Variants in TMEM141 observed in about 807,000 individuals in gnomAD.
TMEM141 encodes transmembrane protein 141.
In TMEM141, 18 loss-of-function variants were observed where a neutral mutation model predicts 15.9. The ratio of observed to expected loss-of-function variants is 1.13; its 90% CI spans 0.78 to 1.68. The LOEUF (loss-of-function observed/expected upper bound fraction) is 1.68. Among genes scored for constraint, TMEM141 ranks in the 40% most tolerant of loss-of-function variants. TMEM141 has a pLI of 0.00. For missense variants in TMEM141, 161 were observed against 139.5 expected (o/e 1.15, Z -0.78); for synonymous variants, 69 against 54.0 (o/e 1.28, Z -1.22).
Position 136,791,388 on chromosome 9 carries a change from G to C in TMEM141, c.18G>C (p.Leu6=), listed in dbSNP as rs879777751. 1 of 1,561,188 alleles carries C rather than the reference G, an allele frequency of 6.4e-7. No individual in the cohort carries two copies. The highest frequency in any genetic ancestry group is 8.7e-7 in the Non-Finnish European group (1 of 1,153,114). The change falls in exon 1 of 5, where the codon CTG becomes CTC. Residue 6 remains leucine, a synonymous_variant. Transcript: ENST00000290079. MVNLG[L]SRVDDAVAAK... ...TGCCAACCATGGTGAACTTGGGTCT[G>C]TCCCGGGTGGACGACGCCGTGGCTG...
intron 1 of TMEM141, 125 bp from the exon 2 acceptor site, chr9:136,791,586 T>G: frequency 6.4e-7 from 1 of 1,565,610 alleles, no homozygotes; most frequent in East Asian, 2.3e-5. Flanking sequence ...ATAGGGGAGG[T>G]GGGACGTGTC....
chr9:136,792,476 C>G, intron 4 of TMEM141, 118 bp downstream of exon 4: 1 of 841,436 alleles, frequency 1.2e-6, no homozygotes, highest in East Asian at 2.7e-5. Flanking sequence ...CCCTCTGGCC[C>G]GGCCTCCTCA....
intron 4 of TMEM141, 114 bp downstream of exon 4, chr9:136,792,472 G>C (rs1263038159): frequency 1.1e-6 from 1 of 872,102 alleles, no homozygotes; most frequent in Non-Finnish European, 1.8e-6. Flanking sequence ...CCCTCCCTCT[G>C]GCCCGGCCTC....
At chr9:136,792,478 G>A (rs755594254) in intron 4 of TMEM141, 120 bp downstream of exon 4, 14 of 819,098 alleles carry the variant, frequency 1.7e-5, no homozygotes, top group Non-Finnish European at 2.5e-5. Flanking sequence ...CTCTGGCCCG[G>A]CCTCCTCAGC....
chr9:136,791,880 G>A, intron 2 of TMEM141, 67 bp from the exon 3 acceptor site: 2 of 1,611,730 alleles, frequency 1.2e-6, no homozygotes. Flanking sequence ...GCAGGTGCTG[G>A]GGGCCTGGCA....
intron 4 of TMEM141, 51 bp from the exon 5 acceptor site, chr9:136,792,768 G>A (rs1376705481): frequency 7.0e-7 from 1 of 1,425,160 alleles, no homozygotes. Context: ...GCACAGGGAT[G>A]CCCAGCCACG....
intron 4 of TMEM141, 133 bp from the exon 5 acceptor site, chr9:136,792,686 A>C: frequency 1.4e-6 from 1 of 713,512 alleles, no homozygotes. Context: ...GAAGCCCCGC[A>C]TTGGACCCAG....
chr9:136,791,397 G>A lies in TMEM141; in HGVS notation c.27G>A (p.Val9=), dbSNP rs1847588141. 6.4e-7 allele frequency: 1 copy of A among 1,560,210 alleles called. No individual in the cohort carries two copies. The highest frequency in any genetic ancestry group is 8.7e-7 in the Non-Finnish European group (1 of 1,152,494). MVNLGLSR[V]DDAVAAKHPG... Reference sequence around the variant, plus strand: ...TGGTGAACTTGGGTCTGTCCCGGGTGGACGACGCCGTGGCTGCCAAGCACC... The same window carrying A: ...TGGTGAACTTGGGTCTGTCCCGGGTAGACGACGCCGTGGCTGCCAAGCACC... Residue 9 remains valine, a synonymous_variant, in exon 1 of 5, where the codon GTG becomes GTA. Transcript: ENST00000290079.
chr9:136,792,377 T>C lies in TMEM141; in HGVS notation c.313+19T>C. 6.5e-7 allele frequency: 1 copy of C among 1,549,134 alleles called. No individual in the cohort carries two copies. Among genetic ancestry groups the C allele is most frequent in the South Asian group, 1.2e-5 (1 of 84,336 alleles). ...AGCACAGGTGAGAGAGCCTGGGGGT[T>C]AGCGAGAAGTGAATGCCACCTCTCC... On this transcript the variant is annotated intron_variant, in intron 4 of 4. Coordinates refer to ENST00000290079, the MANE Select transcript of TMEM141 (RefSeq NM_032928.4).
chr9:136,792,983 C>T lies in TMEM141; in HGVS notation c.*151C>T, dbSNP rs1588326120. The T allele has an allele frequency of 2.8e-6, 3 of 1,083,322 alleles. No individual in the cohort carries two copies. The highest frequency in any genetic ancestry group is 3.3e-5 in the African/African-American group (2 of 60,626). The allele number at this position is 1,083,322 out of a possible 1,614,324, so 67.1% of individuals were successfully genotyped here. A position where few individuals can be genotyped will look rare whatever the true frequency, so the allele number is the denominator to read the frequency against. On this transcript the variant is annotated 3_prime_UTR_variant, in exon 5 of 5. Coordinates refer to ENST00000290079, the MANE Select transcript of TMEM141 (RefSeq NM_032928.4). ...ATGTGTGGCCAGGCCTGACAAACAC[C>T]TGCAGATGGCTGCTGCCCCAACCTG... is the stretch of plus-strand genomic sequence containing the variant.
intron 4 of TMEM141, 133 bp downstream of exon 4, chr9:136,792,491 G>T: frequency 2.7e-6 from 2 of 737,882 alleles, no homozygotes; most frequent in Middle Eastern, 6.6e-4. Flanking sequence ...TCCTCAGCAT[G>T]TGACTGCCAG....
chr9:136,791,875 T>C (rs1847593858), intron 2 of TMEM141, 72 bp from the exon 3 acceptor site: 2 of 1,611,016 alleles, frequency 1.2e-6, no homozygotes, highest in Non-Finnish European at 1.7e-6. Flanking sequence ...TGCCCGCAGG[T>C]GCTGGGGGCC....
At chr9:136,791,657 G>A in intron 1 of TMEM141, 54 bp from the exon 2 acceptor site, 1 of 1,601,188 alleles carries the variant, frequency 6.2e-7, no homozygotes, top group South Asian at 1.1e-5. Flanking sequence ...GACAGGAGAG[G>A]CGGTGAAGGA....
chr9:136,792,775 C>T, intron 4 of TMEM141, 44 bp from the exon 5 acceptor site: 1 of 1,469,284 alleles, frequency 6.8e-7, no homozygotes, highest in Non-Finnish European at 9.2e-7. Context: ...GATGCCCAGC[C>T]ACGATGGATG....
Position 136,791,401 on chromosome 9 carries a change from G to T in TMEM141, c.31G>T (p.Asp11Tyr). 1 of 1,559,952 alleles carries T rather than the reference G, an allele frequency of 6.4e-7. No homozygotes were observed. Among genetic ancestry groups the T allele is most frequent in the Non-Finnish European group, 8.7e-7 (1 of 1,152,310 alleles). ...GAACTTGGGTCTGTCCCGGGTGGAC[G>T]ACGCCGTGGCTGCCAAGCACCCGGT... Reference protein sequence around the residue: MVNLGLSRVDDAVAAKHPGLG... With the variant: MVNLGLSRVDYAVAAKHPGLG... Residue 11 changes from aspartate to tyrosine, a missense_variant, in exon 1 of 5, where the codon GAC becomes TAC. Transcript: ENST00000290079.
Position 136,791,490 on chromosome 9 carries a change from C to T in TMEM141, c.54+66C>T, listed in dbSNP as rs2131119696. The T allele has an allele frequency of 2.6e-6, 4 of 1,547,470 alleles. No homozygotes were observed. In the South Asian group the frequency reaches 4.7e-5, roughly 18 times the overall value. ...AGCTGACCTGAGCGAGGCGGGGGGCCGGGGCGTGGGGGTGCCCTCGTCAGG... is the reference window on the plus strand; with the variant it reads ...AGCTGACCTGAGCGAGGCGGGGGGCTGGGGCGTGGGGGTGCCCTCGTCAGG... On this transcript the variant is annotated intron_variant, in intron 1 of 4. Transcript: ENST00000290079.
At position 136,791,900 on chromosome 9, in the gene TMEM141, C is replaced by T. The variant is rs776713877; in HGVS notation, c.122-47C>T. The stretch of plus-strand genomic sequence containing the variant: ...TGCTGGGGGCCTGGCAAGGTGGGCC[C>T]TGGCTATCCCCGGGTACAGGTTGAT... On this transcript the variant is annotated intron_variant, in intron 2 of 4. Transcript: ENST00000290079. 8.1e-6 allele frequency: 13 copies of T among 1,613,464 alleles called. No homozygotes were observed. The South Asian group carries it at 9.9e-5, about 12-fold the overall frequency.
rs1212338506 is a variant in TMEM141 at position 136,791,728 on chromosome 9, C to G, written c.72C>G (p.Ala24=). Residue 24 remains alanine (A), a synonymous_variant, in exon 2 of 5, where the codon GCC becomes GCG. Transcript: ENST00000290079. ...AAKHPGLGEY[A]ACQSHAFMKG... ...CACCCCAGGGACTCGGGGAGTATGCCGCATGCCAGTCACACGCCTTCATGA... is the reference window on the plus strand; with the variant it reads ...CACCCCAGGGACTCGGGGAGTATGCGGCATGCCAGTCACACGCCTTCATGA... The G allele has an allele frequency of 3.1e-6, 5 of 1,613,182 alleles. No homozygotes were observed. Among genetic ancestry groups the G allele is most frequent in the Non-Finnish European group, 2.5e-6 (3 of 1,179,924 alleles).
intron 1 of TMEM141, 73 bp from the exon 2 acceptor site, chr9:136,791,638 C>G (rs1186453637): frequency 1.1e-5 from 17 of 1,593,636 alleles, no homozygotes; most frequent in Non-Finnish European, 1.2e-5. Flanking sequence ...AGGGTGTGCC[C>G]AGAGGAGGGA....
Sources: gnomAD v4.1 joint callset for allele counts on GRCh38, gnomAD v4.1.1 for gene constraint, MANE v1.5 for transcripts, NCBI Gene and HGNC (gene_info 2026-07-23, HGNC 2026-07-21) for gene names.